VCF2: variants seen among roughly 807,000 people sequenced by gnomAD.
VCF2 encodes protein VCF2.
the VCF2 span, among the ~76,000 whole-genome samples, chrX:55,155,708 CACAGT>C: frequency 1.8e-5 from 2 of 110,739 alleles, no homozygotes; most frequent in Admixed American, 1.9e-4. Context: ...AGGGAAAAGA[CACAGT>C]ACTTGAGAGA....
At chrX:55,159,074 G>A in the VCF2 span, 1 of 946,097 alleles carries the variant, frequency 1.1e-6, no homozygotes, top group Non-Finnish European at 1.5e-6. Flanking sequence ...GCACAAATTG[G>A]ATAATTTAGT....
the VCF2 span, among the ~76,000 whole-genome samples, chrX:55,144,962 C>G: frequency 8.8e-6 from 1 of 112,996 alleles, no homozygotes; most frequent in Non-Finnish European, 1.9e-5. Context: ...ACTGAGGAAG[C>G]ACATCTATGA....
the VCF2 span, among the ~76,000 whole-genome samples, chrX:55,153,035 T>C: frequency 8.9e-6 from 1 of 112,354 alleles, no homozygotes. Flanking sequence ...CTTATCTACC[T>C]ATGACCTGGA....
chrX:55,143,831 C>A, the VCF2 span: 2 of 1,207,137 alleles, frequency 1.7e-6, no homozygotes, highest in Non-Finnish European at 2.2e-6. Flanking sequence ...TATTTCAGGA[C>A]CAAAGGACAT....
At chrX:55,153,914 A>T in the VCF2 span, among the ~76,000 whole-genome samples, 1 of 111,682 alleles carries the variant, frequency 9.0e-6, no homozygotes, top group Non-Finnish European at 1.9e-5. Context: ...AGCATTTTCT[A>T]GGCTAATAAT....
the VCF2 span, among the ~76,000 whole-genome samples, chrX:55,160,432 G>C: frequency 8.9e-6 from 1 of 112,793 alleles, no homozygotes; most frequent in South Asian, 3.6e-4. Context: ...AAAGTGTGAA[G>C]CTGAGTTTAA....
chrX:55,147,631 C>CTTTTT, the VCF2 span, among the ~76,000 whole-genome samples: 8 of 68,565 alleles, frequency 1.2e-4, no homozygotes, highest in African/African-American at 3.5e-4. Flanking sequence ...GTTGGCTTTC[C>CTTTTT]TTGTTTTTTT....
the VCF2 span, among the ~76,000 whole-genome samples, chrX:55,151,729 T>A: frequency 8.9e-6 from 1 of 111,779 alleles, no homozygotes; most frequent in African/African-American, 3.2e-5. Flanking sequence ...TCTTGCCTAA[T>A]GTTTTCTCAA....
At chrX:55,152,045 CTA>C in the VCF2 span, among the ~76,000 whole-genome samples, 18 of 106,219 alleles carry the variant, frequency 1.7e-4, no homozygotes, top group Admixed American at 1.6e-3. Flanking sequence ...GCGCCCGCCA[CTA>C]CGCCCGGCTA....
chrX:55,154,334 C>A, the VCF2 span, among the ~76,000 whole-genome samples: 2 of 111,913 alleles, frequency 1.8e-5, no homozygotes, highest in Non-Finnish European at 3.8e-5. Flanking sequence ...AACATCTTCA[C>A]CATCCTCCTG....
the VCF2 span, chrX:55,161,103 C>T: frequency 8.3e-7 from 1 of 1,207,426 alleles, no homozygotes; most frequent in Admixed American, 2.2e-5. Flanking sequence ...AGAGCTCGGA[C>T]TGGTACCGGC....
At chrX:55,150,547 C>A in the VCF2 span, among the ~76,000 whole-genome samples, 662 of 111,786 alleles carry the variant, frequency 5.9e-3, 8 homozygotes, top group African/African-American at 0.021. Context: ...CAGTACCAGT[C>A]TGCAGCCCAG....
At chrX:55,155,368 T>C in the VCF2 span, among the ~76,000 whole-genome samples, 1 of 111,496 alleles carries the variant, frequency 9.0e-6, no homozygotes. Flanking sequence ...AATTTTGCAA[T>C]GTATCAAGCA....
the VCF2 span, among the ~76,000 whole-genome samples, chrX:55,153,693 A>C: frequency 2.7e-5 from 3 of 111,570 alleles, no homozygotes; most frequent in Non-Finnish European, 3.8e-5. Flanking sequence ...TCCACTACAA[A>C]TATATTTCTT....
chrX:55,157,457 C>T, the VCF2 span, among the ~76,000 whole-genome samples: 1 of 111,713 alleles, frequency 9.0e-6, no homozygotes, highest in Non-Finnish European at 1.9e-5. Context: ...CGCTTGAACC[C>T]GGGAGGTGGG....
At chrX:55,145,334 C>A in the VCF2 span, 1 of 749,876 alleles carries the variant, frequency 1.3e-6, no homozygotes, top group Non-Finnish European at 1.6e-6. Context: ...TATTTCTTAT[C>A]TGACAGAATT....
the VCF2 span, among the ~76,000 whole-genome samples, chrX:55,158,343 C>A: frequency 9.0e-6 from 1 of 111,455 alleles, no homozygotes; most frequent in South Asian, 3.7e-4. Flanking sequence ...AAGTGAAGCA[C>A]CTTGAAGTTA....
the VCF2 span, among the ~76,000 whole-genome samples, chrX:55,147,632 T>A: frequency 1.4e-5 from 1 of 73,148 alleles, no homozygotes; most frequent in Non-Finnish European, 2.6e-5. Flanking sequence ...TTGGCTTTCC[T>A]TGTTTTTTTT....
At chrX:55,147,634 G>GTTTTTTTTT in the VCF2 span, among the ~76,000 whole-genome samples, 25 of 54,079 alleles carry the variant, frequency 4.6e-4, no homozygotes, top group East Asian at 1.4e-3. Flanking sequence ...GGCTTTCCTT[G>GTTTTTTTTT]TTTTTTTTTT....
Sources: gnomAD v4.1 joint callset for allele counts (sites outside exome capture counted in the v4.1 genomes callset) on GRCh38, gnomAD v4.1.1 for gene constraint, MANE v1.5 for transcripts, NCBI Gene and HGNC (gene_info 2026-07-23, HGNC 2026-07-21) for gene names.